The following B3GNT9 variants were observed in gnomAD, a reference collection of about 807,000 sequenced individuals.
B3GNT9 encodes BGnT-9.
For synonymous variants in B3GNT9, 359 were observed against 283.9 expected, an observed-to-expected ratio of 1.26 and a Z score of -2.66; for missense variants, 669 against 599.2, an observed-to-expected ratio of 1.12 and a Z score of -1.22.
In B3GNT9 at chr16:67,149,348, G is replaced by C. The variant is rs565692012; in HGVS notation, c.1138C>G (p.His380Asp). 1 of 1,601,966 alleles carries C rather than the reference G, an allele frequency of 6.2e-7. No homozygotes were observed. Among genetic ancestry groups the C allele is most frequent in the South Asian group, 1.1e-5 (1 of 89,198 alleles). The change falls in exon 2 of 2, where the codon CAC (histidine) becomes GAC (aspartate). Residue 380 changes from histidine (H) to aspartate (D), a missense_variant. His to Asp is a moderately conservative substitution (Grantham distance 81, BLOSUM62 -1). Coordinates refer to ENST00000449549, the MANE Select transcript of B3GNT9 (RefSeq NM_033309.3). ...ADIWLMWRLL[H>D]GPHGPACAHP... ...GCACAGGCTGGCCCATGCGGCCCGT[G>C]CAGCAGGCGCCACATAAGCCAGATG...
Position 67,149,669 on chromosome 16 carries a change from T to C in B3GNT9, c.817A>G (p.Ile273Val). Residue 273 changes from isoleucine (I) to valine (V), a missense_variant, in exon 2 of 2, where the codon ATC (isoleucine) becomes GTC (valine). Ile to Val is a conservative substitution (Grantham distance 29, BLOSUM62 3). Transcript: ENST00000449549. ...GGCAGGCCGTACACGGCCTCGGGGA[T>C]GTAGTACTTGCTAGCCCGCGTGCGG... ...PIRTRASKYYIPEAVYGLPAY... is the reference protein window; with the variant it reads ...PIRTRASKYYVPEAVYGLPAY... 6.2e-7 allele frequency: 1 copy of C among 1,608,314 alleles called. No individual in the cohort carries two copies. Among genetic ancestry groups the C allele is most frequent in the East Asian group, 2.2e-5 (1 of 44,642 alleles).
rs1440449133 is a variant in B3GNT9 at position 67,149,984 on chromosome 16, CGGCCCCGCCCGAGCCTGCGCCCCT to C, written c.478_501del (p.Arg160_Ala167del). On this transcript the variant is annotated inframe_deletion, in exon 2 of 2. Coordinates refer to ENST00000449549, the MANE Select transcript of B3GNT9 (RefSeq NM_033309.3). ...GTTCGCGCGCCCTCCCCAACTTCGT[CGGCCCCGCCCGAGCCTGCGCCCCT>C]GGGCACGCCCAGCAAGAACACGCGG... The C allele has an allele frequency of 6.5e-7, 1 of 1,536,102 alleles. No individual in the cohort carries two copies. The highest frequency in any genetic ancestry group is 8.8e-7 in the Non-Finnish European group (1 of 1,140,106).
chr16:67,150,797 G>C (rs1393383158), intron 1 of B3GNT9, 68 bp downstream of exon 1: 1 of 284,168 alleles, frequency 3.5e-6, no homozygotes, highest in Non-Finnish European at 6.5e-6. Context: ...CGCCTCCCTC[G>C]CGCTGAGGCC....
In B3GNT9 at chr16:67,150,066, GC is replaced by G; in HGVS notation, c.419del (p.Gly140AlafsTer65). 6.8e-7 allele frequency: 1 copy of G among 1,473,760 alleles called. No individual in the cohort carries two copies. Among genetic ancestry groups the G allele is most frequent in the Non-Finnish European group, 9.0e-7 (1 of 1,115,418 alleles). The allele number at this position is 1,473,760 out of a possible 1,614,324, so 91.3% of individuals were successfully genotyped here. A position where few individuals can be genotyped will look rare whatever the true frequency, so the allele number is the denominator to read the frequency against. The part of the protein sequence containing the change: ...ERRQAVRQTW[G>X]AEGRVQGALV... ...GCGCCCCCTGCACGCGACCCTCCGC[GC>G]CCCACGTCTGGCGCACGGCTTGGCG... is the stretch of plus-strand genomic sequence containing the variant. On this transcript the variant is annotated frameshift_variant, in exon 2 of 2. Transcript: ENST00000449549. LOFTEE classifies it low-confidence loss of function (END_TRUNC).
chr16:67,149,422 G>C lies in B3GNT9; in HGVS notation c.1064C>G (p.Pro355Arg), dbSNP rs1178442844. The change falls in exon 2 of 2, where the codon CCC becomes CGC. Residue 355 changes from proline (P) to arginine (R), a missense_variant. Physicochemically the swap from Pro to Arg is moderately radical, Grantham distance 103. Coordinates refer to ENST00000449549, the MANE Select transcript of B3GNT9 (RefSeq NM_033309.3). ...SAAPHLSTFDPCFYRELVVVH... is the reference protein window; with the variant it reads ...SAAPHLSTFDRCFYRELVVVH... ...TACAACCAGCTCACGGTAAAAGCAGGGGTCGAAGGTGCTCAAATGCGGCGC... is the reference window on the plus strand; with the variant it reads ...TACAACCAGCTCACGGTAAAAGCAGCGGTCGAAGGTGCTCAAATGCGGCGC... 6.2e-7 allele frequency: 1 copy of C among 1,604,852 alleles called. No individual in the cohort carries two copies. Among genetic ancestry groups the C allele is most frequent in the Admixed American group, 1.7e-5 (1 of 58,510 alleles).
rs1405684996 is a variant in B3GNT9, at chr16:67,150,817, C to T, written c.-187+48G>A. ...CCCTCGCGCTGAGGCCGAATCCCTT[C>T]CACCCTGCCATCCCCTCAATGTCGG... On this transcript the variant is annotated intron_variant, in intron 1 of 1. Coordinates refer to ENST00000449549, the MANE Select transcript of B3GNT9 (RefSeq NM_033309.3). The T allele has an allele frequency of 2.1e-5, 5 of 238,836 alleles. No individual in the cohort carries two copies. The East Asian group carries it at 2.3e-4, about 11-fold the overall frequency. 14.8% of individuals were successfully genotyped at this position (238,836 alleles called of 1,614,324 possible). A position where few individuals can be genotyped will look rare whatever the true frequency, so the allele number is the denominator to read the frequency against.
rs753058635 is a variant in B3GNT9 at position 67,149,658 on chromosome 16, G to C, written c.828C>G (p.Ala276=). ...TRASKYYIPE[A]VYGLPAYPAY... ...CCGGATAGGCGGGCAGGCCGTACAC[G>C]GCCTCGGGGATGTAGTACTTGCTAG... The change falls in exon 2 of 2, where the codon GCC becomes GCG. Residue 276 remains alanine (A), a synonymous_variant. Coordinates refer to ENST00000449549, the MANE Select transcript of B3GNT9 (RefSeq NM_033309.3). The C allele has an allele frequency of 6.2e-7, 1 of 1,604,248 alleles. No individual in the cohort carries two copies. Among genetic ancestry groups the C allele is most frequent in the Admixed American group, 1.7e-5 (1 of 58,458 alleles).
chr16:67,149,601 G>A lies in B3GNT9; in HGVS notation c.885C>T (p.Ser295=), dbSNP rs2030372642. 2 of 1,598,646 alleles carry A rather than the reference G, an allele frequency of 1.3e-6. No homozygotes were observed. The highest frequency in any genetic ancestry group is 1.7e-6 in the Non-Finnish European group (2 of 1,173,120). ...CAGCCAGGCGGTGCAGCGTGGCCCC[G>A]GAAAGCACAAAGCCACCGCCGCCCG... ...AYAGGGGFVL[S]GATLHRLAGA... The change falls in exon 2 of 2, where the codon TCC becomes TCT. Residue 295 remains serine (S), a synonymous_variant. Transcript: ENST00000449549.
At position 67,150,714 on chromosome 16, in the gene B3GNT9, G is replaced by A. The variant is rs1348065378; in HGVS notation, c.-186-43C>T. ...TCACCCATGTAGCCAACTCCCCCGC[G>A]GCCTCAGCTCCGGCCCAGGACTGCG... On this transcript the variant is annotated intron_variant, in intron 1 of 1. Coordinates refer to ENST00000449549, the MANE Select transcript of B3GNT9 (RefSeq NM_033309.3). 5 of 385,482 alleles carry A rather than the reference G, an allele frequency of 1.3e-5. No homozygotes were observed. The Admixed American group carries it at 1.4e-4, about 10-fold the overall frequency. 23.9% of individuals were successfully genotyped at this position (385,482 alleles called of 1,614,324 possible).
Position 67,150,390 on chromosome 16 carries a change from C to T in B3GNT9, c.96G>A (p.Ala32=), listed in dbSNP as rs1177711834. ...CTCGCGGCGCGCTCGCCGTCGGGGC[C>T]GCGCCGTCGCGCTGCGCATAGAGTA... ...GLLLYAQRDG[A]APTASAPRGR... Residue 32 remains alanine, a synonymous_variant, in exon 2 of 2, where the codon GCG becomes GCA. Coordinates refer to ENST00000449549, the MANE Select transcript of B3GNT9 (RefSeq NM_033309.3). 3 of 1,352,276 alleles carry T rather than the reference C, an allele frequency of 2.2e-6. No homozygotes were observed. Among genetic ancestry groups the T allele is most frequent in the Non-Finnish European group, 2.8e-6 (3 of 1,053,864 alleles). 83.8% of individuals were successfully genotyped at this position (1,352,276 alleles called of 1,614,324 possible).
At position 67,150,647 on chromosome 16, in the gene B3GNT9, G is replaced by T; in HGVS notation, c.-162C>A. On this transcript the variant is annotated 5_prime_UTR_variant, in exon 2 of 2. Coordinates refer to ENST00000449549, the MANE Select transcript of B3GNT9 (RefSeq NM_033309.3). Reference sequence around the variant, plus strand: ...TTGCGTTGTTCTCCTCCTCCCGGCCGTGTCGCACCGCCGGGACCGGCAGCC... The same window carrying T: ...TTGCGTTGTTCTCCTCCTCCCGGCCTTGTCGCACCGCCGGGACCGGCAGCC... 1 of 510,356 alleles carries T rather than the reference G, an allele frequency of 2.0e-6. No individual in the cohort carries two copies. The highest frequency in any genetic ancestry group is 3.0e-6 in the Non-Finnish European group (1 of 329,282). 31.6% of individuals were successfully genotyped at this position (510,356 alleles called of 1,614,324 possible).
chr16:67,150,064 G>A lies in B3GNT9; in HGVS notation c.422C>T (p.Ala141Val), dbSNP rs1207865901. 13 of 1,477,810 alleles carry A rather than the reference G, an allele frequency of 8.8e-6. No homozygotes were observed. The highest frequency in any genetic ancestry group is 1.4e-5 in the South Asian group (1 of 72,814). The allele number at this position is 1,477,810 out of a possible 1,614,324, so 91.5% of individuals were successfully genotyped here. Residue 141 changes from alanine to valine, a missense_variant, in exon 2 of 2, where the codon GCG becomes GTG. Transcript: ENST00000449549. ...RRQAVRQTWG[A>V]EGRVQGALVR... is the part of the protein sequence containing the mutation. Reference sequence around the variant, plus strand: ...CAGCGCCCCCTGCACGCGACCCTCCGCGCCCCACGTCTGGCGCACGGCTTG... The same window carrying A: ...CAGCGCCCCCTGCACGCGACCCTCCACGCCCCACGTCTGGCGCACGGCTTG...
Position 67,150,437 on chromosome 16 carries a change from G to T in B3GNT9, c.49C>A (p.Leu17Ile). 7.4e-7 allele frequency: 1 copy of T among 1,352,262 alleles called. No homozygotes were observed. The allele number at this position is 1,352,262 out of a possible 1,614,324, so 83.8% of individuals were successfully genotyped here. Residue 17 changes from leucine to isoleucine, a missense_variant, in exon 2 of 2, where the codon CTT (leucine) becomes ATT (isoleucine). Physicochemically the swap from Leu to Ile is conservative, Grantham distance 5. Transcript: ENST00000449549. ...AGTAAGAGGCCCAGGGAGGCGCCAAGGAGCAGCGTGAGCAATGCGTCCCTG... is the reference window on the plus strand; with the variant it reads ...AGTAAGAGGCCCAGGGAGGCGCCAATGAGCAGCGTGAGCAATGCGTCCCTG... ...LRRDALLTLL[L>I]GASLGLLLYA...
chr16:67,148,931 G>A lies in B3GNT9; in HGVS notation c.*346C>T, dbSNP rs1341902059. On this transcript the variant is annotated 3_prime_UTR_variant, in exon 2 of 2. Coordinates refer to ENST00000449549, the MANE Select transcript of B3GNT9 (RefSeq NM_033309.3). ...CTGCATACGTCCGCGTCAGCCTAGGGGGTTCCAAATCCAGCAGAGTGGTAG... is the reference window on the plus strand; with the variant it reads ...CTGCATACGTCCGCGTCAGCCTAGGAGGTTCCAAATCCAGCAGAGTGGTAG... The A allele has an allele frequency of 2.7e-5, 6 of 223,312 alleles. No individual in the cohort carries two copies. The highest frequency in any genetic ancestry group is 5.7e-5 in the Admixed American group (1 of 17,562). The allele number at this position is 223,312 out of a possible 1,614,324, so 13.8% of individuals were successfully genotyped here.
In B3GNT9 at chr16:67,148,321, G is replaced by C. The variant is rs1030837875; in HGVS notation, c.*956C>G. The C allele has an allele frequency of 6.5e-6, 1 of 152,676 alleles. No individual in the cohort carries two copies. The highest frequency in any genetic ancestry group is 2.4e-5 in the African/African-American group (1 of 41,448). The allele number at this position is 152,676 out of a possible 1,614,324, so 9.5% of individuals were successfully genotyped here. On this transcript the variant is annotated 3_prime_UTR_variant, in exon 2 of 2. Coordinates refer to ENST00000449549, the MANE Select transcript of B3GNT9 (RefSeq NM_033309.3). ...TGGGCCTTATAGCCAGGTTTGTGTG[G>C]CGCTCCCGACTTTTGTGACTGACTG...
Position 67,149,775 on chromosome 16 carries a change from T to C in B3GNT9, c.711A>G (p.Gly237=). ...KGDADVFVNV[G]NLLEFLAPRD... ...GCGGCGCCAGGAACTCCAGGAGATT[T>C]CCCACGTTCACGAACACATCTGCGT... The change falls in exon 2 of 2, where the codon GGA becomes GGG. Residue 237 remains glycine (G), a synonymous_variant. Transcript: ENST00000449549. 6.2e-7 allele frequency: 1 copy of C among 1,613,832 alleles called. No homozygotes were observed. The highest frequency in any genetic ancestry group is 1.7e-5 in the Admixed American group (1 of 60,026).
At position 67,150,495 on chromosome 16, in the gene B3GNT9, G is replaced by A. The variant is rs2030438713; in HGVS notation, c.-10C>T. ...GCAGCCTCCTCCTCATCTCCGCGCGGCCTGCGCCCTCCCTCCCCTGTAAGG... is the reference window on the plus strand; with the variant it reads ...GCAGCCTCCTCCTCATCTCCGCGCGACCTGCGCCCTCCCTCCCCTGTAAGG... On this transcript the variant is annotated 5_prime_UTR_variant, in exon 2 of 2. Coordinates refer to ENST00000449549, the MANE Select transcript of B3GNT9 (RefSeq NM_033309.3). 1.5e-6 allele frequency: 2 copies of A among 1,296,912 alleles called. No individual in the cohort carries two copies. Among genetic ancestry groups the A allele is most frequent in the Non-Finnish European group, 9.8e-7 (1 of 1,024,040 alleles). The allele number at this position is 1,296,912 out of a possible 1,614,324, so 80.3% of individuals were successfully genotyped here.
At position 67,149,462 on chromosome 16, in the gene B3GNT9, G is replaced by A. The variant is rs1205439065; in HGVS notation, c.1024C>T (p.Pro342Ser). 1.2e-6 allele frequency: 2 copies of A among 1,607,972 alleles called. No individual in the cohort carries two copies. Among genetic ancestry groups the A allele is most frequent in the Non-Finnish European group, 1.7e-6 (2 of 1,177,222 alleles). The change falls in exon 2 of 2, where the codon CCC (proline) becomes TCC (serine). Residue 342 changes from proline to serine, a missense_variant. Physicochemically the swap from Pro to Ser is moderately conservative, Grantham distance 74. Coordinates refer to ENST00000449549, the MANE Select transcript of B3GNT9 (RefSeq NM_033309.3). ...PHPAFRTFGI[P>S]QPSAAPHLST... ...AAATGCGGCGCGGCTGAAGGCTGGGGGATGCCAAAGGTGCGGAAGGCAGGG... is the reference window on the plus strand; with the variant it reads ...AAATGCGGCGCGGCTGAAGGCTGGGAGATGCCAAAGGTGCGGAAGGCAGGG...
chr16:67,150,711 C>T (rs989965680), intron 1 of B3GNT9, 40 bp from the exon 2 acceptor site: 5 of 387,260 alleles, frequency 1.3e-5, no homozygotes, highest in East Asian at 3.7e-5. Context: ...CCAACTCCCC[C>T]GCGGCCTCAG....
Sources: allele counts gnomAD v4.1 joint callset, GRCh38; gene constraint gnomAD v4.1.1; transcripts MANE v1.5; gene names NCBI Gene and HGNC (gene_info 2026-07-23, HGNC 2026-07-21).